NEK1: variants seen among roughly 807,000 people sequenced by gnomAD.
NEK1 encodes NIMA related kinase 1.
Under a neutral mutation model 182.1 loss-of-function variants are expected in NEK1, and 137 were observed. That is an observed-to-expected ratio of 0.75 (90% CI 0.65 to 0.87). NEK1 has a LOEUF of 0.87. NEK1 is among the 40% of genes least tolerant of loss of function. The probability of loss-of-function intolerance (pLI) is 0.00; values close to 1 mark genes in which losing one functional copy is unlikely to be tolerated. For missense variants in NEK1, 1,391 were observed against 1,494.4 expected, an observed-to-expected ratio of 0.93 and a Z score of 1.14; for synonymous variants, 513 against 492.2, an observed-to-expected ratio of 1.04 and a Z score of -0.56.
At chr4:169,470,611 G>A (rs978284234) in intron 26 of NEK1, among the ~76,000 whole-genome samples, 8 of 152,094 alleles carry the variant, frequency 5.3e-5, no homozygotes, top group African/African-American at 1.2e-4. Context: ...GTTGCTCTTC[G>A]CAAGGAGTAT....
chr4:169,583,312 A>G (rs2150063016), intron 10 of NEK1, among the ~76,000 whole-genome samples: 1 of 152,002 alleles, frequency 6.6e-6, no homozygotes, highest in South Asian at 2.1e-4. Context: ...CTAAGTAGAT[A>G]TATAGTACAA....
At chr4:169,426,881 A>G (rs550776492) in intron 29 of NEK1, among the ~76,000 whole-genome samples, 198 of 152,290 alleles carry the variant, frequency 1.3e-3, no homozygotes, top group African/African-American at 4.5e-3. Flanking sequence ...AATAAGATTC[A>G]CAAAAATATT....
chr4:169,446,009 T>C (rs1232372445), intron 27 of NEK1, among the ~76,000 whole-genome samples: 4 of 151,836 alleles, frequency 2.6e-5, no homozygotes, highest in Admixed American at 2.6e-4. Flanking sequence ...TTCTGACTTA[T>C]AGGTGGGAGC....
chr4:169,592,262 T>C (rs756836761), intron 5 of NEK1, among the ~76,000 whole-genome samples: 14 of 152,124 alleles, frequency 9.2e-5, no homozygotes, highest in East Asian at 1.9e-4. Context: ...TATAAAACCA[T>C]GTATATAAGA....
chr4:169,552,022 G>A (rs1761500140), intron 18 of NEK1, among the ~76,000 whole-genome samples: 1 of 152,068 alleles, frequency 6.6e-6, no homozygotes, highest in African/African-American at 2.4e-5. Flanking sequence ...AGGAAAAAAA[G>A]ATTAAATGCC....
intron 19 of NEK1, among the ~76,000 whole-genome samples, chr4:169,514,418 G>A (rs1230566083): frequency 6.6e-6 from 1 of 152,122 alleles, no homozygotes; most frequent in African/African-American, 2.4e-5. Flanking sequence ...TACTACTTCT[G>A]GGAACAGATT....
At chr4:169,569,712 T>C (rs1229089867) in intron 12 of NEK1, among the ~76,000 whole-genome samples, 3 of 152,162 alleles carry the variant, frequency 2.0e-5, no homozygotes, top group Admixed American at 6.5e-5. Context: ...CGGGCTGGTC[T>C]CCAGCTCCTA....
intron 32 of NEK1, among the ~76,000 whole-genome samples, chr4:169,402,215 T>C (rs970008332): frequency 2.6e-5 from 4 of 152,236 alleles, no homozygotes; most frequent in African/African-American, 9.6e-5. Flanking sequence ...GGCCAGACTA[T>C]AGAAGTTTTT....
chr4:169,396,055 T>C (rs1470550300), intron 35 of NEK1, among the ~76,000 whole-genome samples: 2 of 151,992 alleles, frequency 1.3e-5, no homozygotes, highest in African/African-American at 2.4e-5. Flanking sequence ...GAAGAGAAGG[T>C]ATGTGTCTCT....
At chr4:169,437,950 A>C (rs1738729997) in intron 28 of NEK1, 133 bp downstream of exon 28, 1 of 697,654 alleles carries the variant, frequency 1.4e-6, no homozygotes. Context: ...ATAGCTAAAA[A>C]TATAAAAATA....
chr4:169,587,371 C>T (rs1028923108), intron 9 of NEK1, among the ~76,000 whole-genome samples, 188 bp downstream of exon 9: 17 of 151,480 alleles, frequency 1.1e-4, no homozygotes, highest in Middle Eastern at 3.4e-3. Flanking sequence ...AGCAAATATA[C>T]CAGATATGCA....
At chr4:169,561,956 A>C (rs1248134974) in intron 13 of NEK1, 65 bp from the exon 14 acceptor site, 11 of 1,389,120 alleles carry the variant, frequency 7.9e-6, no homozygotes, top group Non-Finnish European at 1.1e-5. Context: ...TCATCAGGAA[A>C]GTTAGTACAC....
intron 12 of NEK1, among the ~76,000 whole-genome samples, chr4:169,576,395 G>A (rs1308259150): frequency 6.6e-6 from 1 of 152,158 alleles, no homozygotes; most frequent in Non-Finnish European, 1.5e-5. Flanking sequence ...AATGAAACAA[G>A]CTCCATATAC....
intron 23 of NEK1, among the ~76,000 whole-genome samples, chr4:169,497,126 G>A (rs1309578043): frequency 1.3e-5 from 2 of 152,184 alleles, no homozygotes; most frequent in African/African-American, 4.8e-5. Flanking sequence ...TCCTGGTTTA[G>A]TCTTGGGAGG....
chr4:169,593,881 C>T (rs1247599877), intron 5 of NEK1, among the ~76,000 whole-genome samples: 4 of 151,192 alleles, frequency 2.6e-5, no homozygotes, highest in African/African-American at 7.3e-5. Flanking sequence ...CCTAGCTACG[C>T]GGGAGGCTGA....
At chr4:169,590,328 A>G (rs1174136290) in intron 6 of NEK1, among the ~76,000 whole-genome samples, 1 of 151,300 alleles carries the variant, frequency 6.6e-6, no homozygotes, top group Admixed American at 6.6e-5. Flanking sequence ...AGATAGACAG[A>G]CAGACAGACA....
chr4:169,571,887 C>A (rs1764917311), intron 12 of NEK1, among the ~76,000 whole-genome samples: 1 of 124,566 alleles, frequency 8.0e-6, no homozygotes, highest in African/African-American at 3.0e-5. Flanking sequence ...CACCACCATG[C>A]CCAGCTAATT....
chr4:169,482,351 G>A (rs993483171), intron 23 of NEK1, among the ~76,000 whole-genome samples: 1 of 151,954 alleles, frequency 6.6e-6, no homozygotes, highest in African/African-American at 2.4e-5. Flanking sequence ...GCAGATCCAG[G>A]CACAATAATA....
At chr4:169,400,386 T>A in intron 34 of NEK1, 29 bp from the exon 35 acceptor site, 1 of 1,450,326 alleles carries the variant, frequency 6.9e-7, no homozygotes, top group Non-Finnish European at 9.2e-7. Context: ...TATAAATTAA[T>A]ATTTGAATAA....
Sources: gnomAD v4.1 joint callset for allele counts (sites outside exome capture counted in the v4.1 genomes callset) on GRCh38, gnomAD v4.1.1 for gene constraint, MANE v1.5 for transcripts, NCBI Gene and HGNC (gene_info 2026-07-23, HGNC 2026-07-21) for gene names.